Variants in NSD2 observed in about 807,000 individuals in gnomAD.
NSD2 encodes the protein nuclear receptor binding SET domain protein 2.
In NSD2, 12 loss-of-function variants were observed where a neutral mutation model predicts 139.0. The observed-to-expected ratio is 0.09, with a 90% CI of 0.06 to 0.14. The LOEUF (loss-of-function observed/expected upper bound fraction) is 0.14. Among genes scored for constraint, NSD2 ranks in the 10% least tolerant of loss-of-function variants. The probability of loss-of-function intolerance (pLI) is 1.00; values close to 1 mark genes in which losing one functional copy is unlikely to be tolerated. For missense variants in NSD2, 1,155 were observed against 1,745.0 expected, an observed-to-expected ratio of 0.66 and a Z score of 6.02; for synonymous variants, 669 against 648.7, an observed-to-expected ratio of 1.03 and a Z score of -0.48.
chr4:1,941,110 G>T (rs2108902725), intron 9 of NSD2: 1 of 1,054,852 alleles, frequency 9.5e-7, no homozygotes, highest in South Asian at 4.6e-5. Context: ...ATATGAAAAG[G>T]CAAATTTTAT....
In NSD2 at chr4:1,957,987, G is replaced by A; in HGVS notation, c.2936G>A (p.Arg979Gln). ...FREIKLQREA[R>Q]ETQESERKPP... is the part of the protein sequence containing the mutation. ...GAAATTAAGCTTCAGAGGGAAGCCC[G>A]AGAAACACAGGAGAGCGAGCGCAAG... Residue 979 changes from arginine to glutamine, a missense_variant, in exon 16 of 22, where the codon CGA (arginine) becomes CAA (glutamine). Physicochemically the swap from Arg to Gln is conservative, Grantham distance 43. Coordinates refer to ENST00000508803, the MANE Select transcript of NSD2 (RefSeq NM_001042424.3). The A allele has an allele frequency of 6.2e-7, 1 of 1,614,164 alleles. No homozygotes were observed. Among genetic ancestry groups the A allele is most frequent in the Non-Finnish European group, 8.5e-7 (1 of 1,180,026 alleles).
At chr4:1,884,020 G>A (rs1026922777) in intron 1 of NSD2, among the ~76,000 whole-genome samples, 2 of 152,220 alleles carry the variant, frequency 1.3e-5, no homozygotes, top group Non-Finnish European at 2.9e-5. Flanking sequence ...TTCAGCAGAA[G>A]CAGCACTACC....
At position 1,977,805 on chromosome 4, in the gene NSD2, C is replaced by A. The variant is rs1009927839; in HGVS notation, c.3827-833C>A. On this transcript the variant is annotated intron_variant, in intron 21 of 21. Coordinates refer to ENST00000508803, the MANE Select transcript of NSD2 (RefSeq NM_001042424.3). Reference sequence around the variant, plus strand: ...AGACTCCACTCAAAAAAAAAAAAAACCAAACAAACAAAAAACAAAACTATA... The same window carrying A: ...AGACTCCACTCAAAAAAAAAAAAAAACAAACAAACAAAAAACAAAACTATA... 8.9e-3 allele frequency among the ~76,000 whole-genome samples: 1,195 copies of A among 134,628 alleles called. 19 individuals are homozygous for A. Among genetic ancestry groups the A allele is most frequent in the African/African-American group, 0.033 (1,109 of 33,812 alleles). The allele number at this position is 134,628 out of a possible 152,430, so 88.3% of individuals were successfully genotyped here.
At chr4:1,921,103 A>G (rs1458389681) in intron 5 of NSD2, among the ~76,000 whole-genome samples, 1 of 152,208 alleles carries the variant, frequency 6.6e-6, no homozygotes, top group African/African-American at 2.4e-5. Flanking sequence ...AACTTCCTAA[A>G]TCTGTTTAAG....
At chr4:1,938,416 CTTTTT>C (rs746279426) in intron 7 of NSD2, 30 bp from the exon 8 acceptor site, 79 of 325,656 alleles carry the variant, frequency 2.4e-4, no homozygotes, top group Admixed American at 5.2e-4. Context: ...TTTTTTCTTT[CTTTTT>C]TTTTTTTTTT....
rs1485928499 is a variant in NSD2 at position 1,980,832 on chromosome 4, A to ATT, written c.*1923_*1924insTT. ...AGTAGTGCTTTCCAGTTCAGACTCT[A>ATT]ACTTCTCCCAAAGTGTCCTAAGAAA... is the stretch of plus-strand genomic sequence containing the variant. On this transcript the variant is annotated 3_prime_UTR_variant, in exon 22 of 22. Transcript: ENST00000508803. 4.3e-6 allele frequency: 1 copy of ATT among 232,922 alleles called. No homozygotes were observed. The highest frequency in any genetic ancestry group is 8.5e-6 in the Non-Finnish European group (1 of 118,034). The allele number at this position is 232,922 out of a possible 1,614,324, so 14.4% of individuals were successfully genotyped here.
Position 1,980,805 on chromosome 4 carries a change from G to T in NSD2, c.*1896G>T, listed in dbSNP as rs1038676560. The T allele has an allele frequency of 4.3e-6, 1 of 233,168 alleles. No homozygotes were observed. Among genetic ancestry groups the T allele is most frequent in the African/African-American group, 2.2e-5 (1 of 45,352 alleles). The allele number at this position is 233,168 out of a possible 1,614,324, so 14.4% of individuals were successfully genotyped here. A position where few individuals can be genotyped will look rare whatever the true frequency, so the allele number is the denominator to read the frequency against. On this transcript the variant is annotated 3_prime_UTR_variant, in exon 22 of 22. Coordinates refer to ENST00000508803, the MANE Select transcript of NSD2 (RefSeq NM_001042424.3). ...GGCACTCGCCGGTTAAGACAGGGTG[G>T]GAGTAGTGCTTTCCAGTTCAGACTC... is the stretch of plus-strand genomic sequence containing the variant.
chr4:1,955,216 T>C lies in NSD2; in HGVS notation c.2394T>C (p.Cys798=). 6.2e-7 allele frequency: 1 copy of C among 1,614,144 alleles called. No individual in the cohort carries two copies. The highest frequency in any genetic ancestry group is 8.5e-7 in the Non-Finnish European group (1 of 1,179,980). The part of the protein sequence containing the change: ...CPVAYHSGDA[C]LAAGCSVIAS... Reference sequence around the variant, plus strand: ...TTGCCTATCACAGCGGGGATGCTTGTCTGGCAGCAGGATGCTCAGTGATCG... The same window carrying C: ...TTGCCTATCACAGCGGGGATGCTTGCCTGGCAGCAGGATGCTCAGTGATCG... Residue 798 remains cysteine (C), a synonymous_variant, in exon 13 of 22, where the codon TGT becomes TGC. Transcript: ENST00000508803. This position sits in a 1 kb window ranked among gnomAD's most constrained non-coding sequence, Gnocchi z 4.7.
At position 1,935,511 on chromosome 4, in the gene NSD2, A is replaced by G. The variant is rs1722286479; in HGVS notation, c.1674+249A>G. On this transcript the variant is annotated intron_variant, in intron 7 of 21. Transcript: ENST00000508803. The stretch of plus-strand genomic sequence containing the variant: ...TGTGTTGCTCTGCAAGAAAACAGAC[A>G]TCCAAATGCTTTGAGTAATACTTGT... 1.3e-5 allele frequency among the ~76,000 whole-genome samples: 2 copies of G among 152,250 alleles called. 1 individual carries two copies. The highest frequency in any genetic ancestry group is 4.1e-4 in the South Asian group (2 of 4,834).
At chr4:1,921,343 C>G (rs1390627525) in intron 5 of NSD2, among the ~76,000 whole-genome samples, 1 of 151,688 alleles carries the variant, frequency 6.6e-6, no homozygotes, top group Non-Finnish European at 1.5e-5. Context: ...CCTGTACTTC[C>G]GGCTATGTGG....
In NSD2 at chr4:1,975,287, C is replaced by T. The variant is rs368035388; in HGVS notation, c.3515-7C>T. 3.8e-5 allele frequency: 62 copies of T among 1,613,882 alleles called. No individual in the cohort carries two copies. In the African/African-American group the frequency reaches 6.8e-4, roughly 18 times the overall value. ...TCCAATTTGGTGTCTGTCTCCTCTT[C>T]TCCCAGGGACGGAGCTGACTTTTAA... is the stretch of plus-strand genomic sequence containing the variant. On this transcript the variant is annotated splice_region_variant and splice_polypyrimidine_tract_variant and intron_variant, in intron 19 of 21. Coordinates refer to ENST00000508803, the MANE Select transcript of NSD2 (RefSeq NM_001042424.3).
chr4:1,912,591 C>T (rs1033390275), intron 3 of NSD2, among the ~76,000 whole-genome samples: 1 of 151,604 alleles, frequency 6.6e-6, no homozygotes, highest in Non-Finnish European at 1.5e-5. Context: ...GTTAGTTTCT[C>T]CTATTTATAT....
At position 1,980,828 on chromosome 4, in the gene NSD2, CTCTAACT is replaced by C. The variant is rs1248111628; in HGVS notation, c.*1923_*1929del. On this transcript the variant is annotated 3_prime_UTR_variant, in exon 22 of 22. Coordinates refer to ENST00000508803, the MANE Select transcript of NSD2 (RefSeq NM_001042424.3). ...TGGGAGTAGTGCTTTCCAGTTCAGACTCTAACTTCTCCCAAAGTGTCCTAAGAAAATA... is the reference window on the plus strand; with the variant it reads ...TGGGAGTAGTGCTTTCCAGTTCAGACTCTCCCAAAGTGTCCTAAGAAAATA... 130 of 233,310 alleles carry C rather than the reference CTCTAACT, an allele frequency of 5.6e-4. 1 individual carries two copies. In the East Asian group the frequency reaches 7.8e-3, roughly 14 times the overall value. 14.5% of individuals were successfully genotyped at this position (233,310 alleles called of 1,614,324 possible).
Position 1,948,706 on chromosome 4 carries a change from A to G in NSD2, c.1882-2366A>G. ...TTATATATTTCCATTCAAAATATGT[A>G]TTCAGTGTTTATTTCCTCAAAACAG... is the stretch of plus-strand genomic sequence containing the variant. On this transcript the variant is annotated intron_variant, in intron 9 of 21. Transcript: ENST00000508803. The surrounding 1 kb of genome is among the most constrained non-coding windows in gnomAD (Gnocchi z 4.5). 1 of 1,053,496 alleles carries G rather than the reference A, an allele frequency of 9.5e-7. No homozygotes were observed. The highest frequency in any genetic ancestry group is 1.1e-6 in the Non-Finnish European group (1 of 870,774). 65.3% of individuals were successfully genotyped at this position (1,053,496 alleles called of 1,614,324 possible).
At chr4:1,907,239 C>T (rs1349499984) in intron 3 of NSD2, among the ~76,000 whole-genome samples, 2 of 152,136 alleles carry the variant, frequency 1.3e-5, no homozygotes, top group African/African-American at 4.8e-5. Flanking sequence ...TTGTCATTAT[C>T]CTCACTTTTA....
chr4:1,879,618 T>C (rs1440210567), intron 1 of NSD2, among the ~76,000 whole-genome samples: 1 of 152,262 alleles, frequency 6.6e-6, no homozygotes, highest in East Asian at 1.9e-4. Context: ...CAGTCCTTTG[T>C]GGTTGCTGTG....
Position 1,918,257 on chromosome 4 carries a change from T to C in NSD2, c.1044T>C (p.Tyr348=), listed in dbSNP as rs755979340. 6.2e-7 allele frequency: 1 copy of C among 1,613,886 alleles called. No individual in the cohort carries two copies. Among genetic ancestry groups the C allele is most frequent in the Non-Finnish European group, 8.5e-7 (1 of 1,179,998 alleles). The part of the protein sequence containing the change: ...EERKAKFTFL[Y]VGDQLHLNPQ... ...GGAAAGCCAAGTTCACCTTTCTCTA[T>C]GTGGGGGACCAGCTTCATCTCAACC... Residue 348 remains tyrosine, a synonymous_variant, in exon 5 of 22, where the codon TAT becomes TAC. Transcript: ENST00000508803.
At position 1,934,075 on chromosome 4, in the gene NSD2, AT is replaced by A. The variant is rs374391148; in HGVS notation, c.1556-1059del. 2.3e-3 allele frequency among the ~76,000 whole-genome samples: 344 copies of A among 147,610 alleles called. 2 individuals are homozygous for A. Among genetic ancestry groups the A allele is most frequent in the Middle Eastern group, 0.014 (4 of 284 alleles). ...GTCTTTGAATGTTAGTAAGGAAAAG[AT>A]TTTTTTTTTGTTTTTCGTTTTTTTT... On this transcript the variant is annotated intron_variant, in intron 6 of 21. Coordinates refer to ENST00000508803, the MANE Select transcript of NSD2 (RefSeq NM_001042424.3).
intron 9 of NSD2, chr4:1,941,998 C>A (rs1475934515): frequency 1.8e-6 from 2 of 1,120,492 alleles, no homozygotes. Flanking sequence ...CACACTGACA[C>A]ACACCCATTG....
Sources: gnomAD v4.1 joint callset for allele counts (sites outside exome capture counted in the v4.1 genomes callset) on GRCh38, gnomAD v4.1.1 for gene constraint, Gnocchi (gnomAD v3.1) non-coding constraint, MANE v1.5 for transcripts, NCBI Gene and HGNC (gene_info 2026-07-23, HGNC 2026-07-21) for gene names.